EXOC4: variants seen among roughly 807,000 people sequenced by gnomAD.
The protein encoded by EXOC4 is SEC8-like 1.
Under a neutral mutation model 107.2 loss-of-function variants are expected in EXOC4, and 71 were observed. The ratio of observed to expected loss-of-function variants is 0.66; its 90% CI spans 0.55 to 0.81. The LOEUF is 0.81. Among genes scored for constraint, EXOC4 ranks in the 30% least tolerant of loss-of-function variants. EXOC4 has a pLI of 0.00. For missense variants in EXOC4, 1,108 were observed against 1,189.6 expected, an observed-to-expected ratio of 0.93 and a Z score of 1.01; for synonymous variants, 456 against 441.2, an observed-to-expected ratio of 1.03 and a Z score of -0.42.
chr7:133,990,273 C>G (rs1053813826), intron 14 of EXOC4, among the ~76,000 whole-genome samples: 2 of 145,232 alleles, frequency 1.4e-5, no homozygotes, highest in Admixed American at 6.9e-5. Context: ...TCCCCTCCCC[C>G]CCCCACCCCT....
intron 9 of EXOC4, among the ~76,000 whole-genome samples, chr7:133,501,245 C>T (rs918443454): frequency 1.3e-5 from 2 of 152,300 alleles, no homozygotes; most frequent in South Asian, 2.1e-4. Flanking sequence ...TTAGTAATCA[C>T]AGGGCTAATG....
intron 6 of EXOC4, among the ~76,000 whole-genome samples, chr7:133,357,194 T>C (rs1040816303): frequency 6.6e-6 from 1 of 152,244 alleles, no homozygotes; most frequent in Non-Finnish European, 1.5e-5. Flanking sequence ...ATTGTACACA[T>C]ACTAAGTACT....
intron 11 of EXOC4, among the ~76,000 whole-genome samples, chr7:133,886,735 A>G (rs1182215476): frequency 1.3e-5 from 2 of 152,210 alleles, no homozygotes; most frequent in Non-Finnish European, 2.9e-5. Context: ...AAATCTCAAA[A>G]TTAATAATGT....
At chr7:133,456,763 C>T (rs1220557885) in intron 7 of EXOC4, among the ~76,000 whole-genome samples, 1 of 152,148 alleles carries the variant, frequency 6.6e-6, no homozygotes, top group Non-Finnish European at 1.5e-5. Context: ...AGTCACTCCA[C>T]AGATCACCTA....
chr7:133,372,385 G>T (rs1796396768), intron 6 of EXOC4, among the ~76,000 whole-genome samples: 1 of 152,192 alleles, frequency 6.6e-6, no homozygotes, highest in South Asian at 2.1e-4. Context: ...AGCCTGTCCT[G>T]TGGCTATGAT....
intron 5 of EXOC4, among the ~76,000 whole-genome samples, chr7:133,338,023 T>C (rs1411392703): frequency 4.0e-5 from 6 of 151,632 alleles, no homozygotes; most frequent in Non-Finnish European, 8.8e-5. Context: ...TTTTTTTTTT[T>C]TTAAGGAAAT....
Position 134,065,151 on chromosome 7 carries a change from A to G in EXOC4, c.*623A>G, listed in dbSNP as rs1388023796. ...ATCCCAGTCCCTGGGACAGTTTTGT[A>G]TGCTGTATCTTGTACACAGGTTGTA... On this transcript the variant is annotated 3_prime_UTR_variant, in exon 18 of 18. Transcript: ENST00000253861. 1 of 152,588 alleles carries G rather than the reference A, an allele frequency of 6.6e-6. No homozygotes were observed. Among genetic ancestry groups the G allele is most frequent in the Non-Finnish European group, 1.5e-5 (1 of 68,030 alleles). 9.5% of individuals were successfully genotyped at this position (152,588 alleles called of 1,614,324 possible). A position where few individuals can be genotyped will look rare whatever the true frequency, so the allele number is the denominator to read the frequency against.
chr7:134,026,968 T>C (rs1795151492), intron 17 of EXOC4, among the ~76,000 whole-genome samples: 2 of 152,180 alleles, frequency 1.3e-5, no homozygotes, highest in South Asian at 2.1e-4. Context: ...TTGAACTATA[T>C]AGTTACAGAT....
chr7:133,549,165 GTTTT>G (rs959440501), intron 9 of EXOC4, among the ~76,000 whole-genome samples: 1 of 151,788 alleles, frequency 6.6e-6, no homozygotes, highest in Admixed American at 6.6e-5. Flanking sequence ...CACCAGTTTG[GTTTT>G]TTTTAGTAGA....
chr7:133,326,347 C>G (rs1430839782), intron 5 of EXOC4, among the ~76,000 whole-genome samples: 1 of 152,088 alleles, frequency 6.6e-6, no homozygotes, highest in Non-Finnish European at 1.5e-5. Flanking sequence ...TTTTATCTGC[C>G]TTTGGTCTTT....
At chr7:133,795,301 T>C (rs1309772398) in intron 10 of EXOC4, among the ~76,000 whole-genome samples, 1 of 151,968 alleles carries the variant, frequency 6.6e-6, no homozygotes, top group Non-Finnish European at 1.5e-5. Context: ...TTGCTTTTAG[T>C]GCTGTTTTAG....
At chr7:133,650,423 T>G (rs10488172) in intron 10 of EXOC4, among the ~76,000 whole-genome samples, 31,775 of 152,130 alleles carry the variant, frequency 0.21, 4,636 homozygotes, top group East Asian at 0.49. Context: ...GTGCATTTCC[T>G]TTCTAGAATG....
At chr7:133,992,050 A>G (rs1794273977) in intron 14 of EXOC4, among the ~76,000 whole-genome samples, 1 of 152,154 alleles carries the variant, frequency 6.6e-6, no homozygotes, top group Non-Finnish European at 1.5e-5. Context: ...TTGGTACTAT[A>G]GACATTTCAA....
At chr7:133,630,722 G>A (rs1802571192) in intron 10 of EXOC4, among the ~76,000 whole-genome samples, 1 of 152,056 alleles carries the variant, frequency 6.6e-6, no homozygotes, top group Non-Finnish European at 1.5e-5. Flanking sequence ...TCTGAAATAT[G>A]ATTTATAAAA....
At chr7:133,401,657 AAAAAAAAG>A (rs1394044106) in intron 7 of EXOC4, among the ~76,000 whole-genome samples, 3 of 151,382 alleles carry the variant, frequency 2.0e-5, no homozygotes, top group Non-Finnish European at 4.4e-5. Context: ...GTCTTAAAAA[AAAAAAAAG>A]AAAAAAAAGA....
At chr7:133,797,510 A>G (rs1272849167) in intron 10 of EXOC4, among the ~76,000 whole-genome samples, 1 of 152,138 alleles carries the variant, frequency 6.6e-6, no homozygotes, top group African/African-American at 2.4e-5. Context: ...AAATTCACAG[A>G]TTCTAGTTTT....
intron 9 of EXOC4, among the ~76,000 whole-genome samples, chr7:133,525,506 C>T (rs1323538288): frequency 6.6e-6 from 1 of 152,110 alleles, no homozygotes; most frequent in Non-Finnish European, 1.5e-5. Context: ...ATTTCCTCTT[C>T]CCCATCTTAT....
intron 11 of EXOC4, among the ~76,000 whole-genome samples, chr7:133,831,899 A>G (rs1021251676): frequency 6.6e-6 from 1 of 152,150 alleles, no homozygotes; most frequent in African/African-American, 2.4e-5. Flanking sequence ...CTCCAACACT[A>G]ATCTATAACT....
At chr7:133,898,697 GA>G (rs1799378451) in intron 12 of EXOC4, among the ~76,000 whole-genome samples, 1 of 139,582 alleles carries the variant, frequency 7.2e-6, no homozygotes, top group African/African-American at 2.7e-5. Flanking sequence ...AGTGAGCAGA[GA>G]TCGCGCCACT....
Sources: allele counts gnomAD v4.1 joint callset (sites outside exome capture counted in the v4.1 genomes callset), GRCh38; gene constraint gnomAD v4.1.1; transcripts MANE v1.5; gene names NCBI Gene and HGNC (gene_info 2026-07-23, HGNC 2026-07-21).